Variants in CDH7 observed in about 807,000 individuals in gnomAD.
The protein encoded by CDH7 is cadherin-7.
In CDH7, 25 loss-of-function variants were observed where a neutral mutation model predicts 71.8. The ratio of observed to expected loss-of-function variants is 0.35; its 90% confidence interval spans 0.25 to 0.49. The LOEUF is 0.49. Among genes scored for constraint, CDH7 ranks in the 20% least tolerant of loss-of-function variants. The probability of loss-of-function intolerance (pLI) is 0.99; values close to 1 mark genes in which losing one functional copy is unlikely to be tolerated. For synonymous variants in CDH7, 381 were observed against 363.8 expected, an observed-to-expected ratio of 1.05 and a Z score of -0.54; for missense variants, 862 against 974.6, an observed-to-expected ratio of 0.88 and a Z score of 1.54.
At chr18:65,789,412 C>T (rs8092147) in intron 2 of CDH7, among the ~76,000 whole-genome samples, 5,311 of 152,054 alleles carry the variant, frequency 0.035, 309 homozygotes, top group African/African-American at 0.12. Context: ...AAATAAAAAC[C>T]AAGACAACCA....
chr18:65,764,036 C>T (rs1598986878), intron 2 of CDH7, among the ~76,000 whole-genome samples: 1 of 152,116 alleles, frequency 6.6e-6, no homozygotes, highest in South Asian at 2.1e-4. Flanking sequence ...ACACTTCACT[C>T]TGTCAGTTTT....
chr18:65,859,463 TCAA>T lies in CDH7; in HGVS notation c.1495-244_1495-242del, dbSNP rs1198522575. ...TTGTGATGTTTCCTGGGATGTCTAATCAATTGGAACAGCTTATTTCTGAAGTTC... is the reference window on the plus strand; with the variant it reads ...TTGTGATGTTTCCTGGGATGTCTAATTTGGAACAGCTTATTTCTGAAGTTC... On this transcript the variant is annotated intron_variant, in intron 9 of 11. Coordinates refer to ENST00000397968, the MANE Select transcript of CDH7 (RefSeq NM_004361.5). 6.6e-4 allele frequency among the ~76,000 whole-genome samples: 101 copies of T among 152,326 alleles called. 1 individual carries two copies. The East Asian group carries it at 0.019, about 29-fold the overall frequency.
chr18:65,801,835 A>G (rs1329543929), intron 2 of CDH7, among the ~76,000 whole-genome samples: 2 of 152,244 alleles, frequency 1.3e-5, no homozygotes, highest in South Asian at 2.1e-4. Flanking sequence ...TGCAGACTCT[A>G]AAATTTTATT....
At chr18:65,782,107 C>CTTCCTTCCTTCCTTCTTTCT (rs1910309338) in intron 2 of CDH7, among the ~76,000 whole-genome samples, 1 of 25,240 alleles carries the variant, frequency 4.0e-5, no homozygotes, top group African/African-American at 3.8e-4. Flanking sequence ...TCCTTCCTTC[C>CTTCCTTCCTTCCTTCTTTCT]TTCTTTCTTT....
chr18:65,819,735 G>C (rs1188395481), intron 4 of CDH7, among the ~76,000 whole-genome samples: 1 of 151,938 alleles, frequency 6.6e-6, no homozygotes, highest in African/African-American at 2.4e-5. Flanking sequence ...GCAATATTGA[G>C]ATTCCCCTTG....
intron 2 of CDH7, among the ~76,000 whole-genome samples, chr18:65,764,602 A>G (rs974086119): frequency 3.3e-5 from 5 of 152,040 alleles, no homozygotes; most frequent in African/African-American, 1.2e-4. Context: ...TTTTTAATGG[A>G]CATTTAACAA....
At chr18:65,821,654 A>G (rs1032632667) in intron 4 of CDH7, among the ~76,000 whole-genome samples, 5 of 152,190 alleles carry the variant, frequency 3.3e-5, no homozygotes, top group African/African-American at 1.2e-4. Flanking sequence ...TGCTACAGAT[A>G]GTAGGAATAT....
intron 4 of CDH7, among the ~76,000 whole-genome samples, chr18:65,815,707 G>A (rs1170321854): frequency 6.6e-6 from 1 of 152,156 alleles, no homozygotes; most frequent in African/African-American, 2.4e-5. Flanking sequence ...ATCTACAAAG[G>A]AAGAAGCAGT....
At chr18:65,787,945 A>G (rs1013657119) in intron 2 of CDH7, among the ~76,000 whole-genome samples, 4 of 152,200 alleles carry the variant, frequency 2.6e-5, no homozygotes, top group African/African-American at 9.7e-5. Context: ...GGAGAAGAGT[A>G]AATCCCATTT....
intron 2 of CDH7, among the ~76,000 whole-genome samples, chr18:65,790,322 A>C (rs1487516374): frequency 2.6e-5 from 4 of 152,030 alleles, no homozygotes; most frequent in Non-Finnish European, 5.9e-5. Flanking sequence ...GTATATGGGA[A>C]AAATAATTGA....
intron 1 of CDH7, among the ~76,000 whole-genome samples, chr18:65,752,818 A>G (rs1196977791): frequency 6.6e-6 from 1 of 152,234 alleles, no homozygotes; most frequent in African/African-American, 2.4e-5. Flanking sequence ...TCAGTAGCAC[A>G]GACCATCACC....
At chr18:65,853,186 T>G (rs989796) in intron 7 of CDH7, among the ~76,000 whole-genome samples, 1 of 152,200 alleles carries the variant, frequency 6.6e-6, no homozygotes, top group Non-Finnish European at 1.5e-5. Context: ...GAGAGATTGT[T>G]GTAAGTTCAC....
chr18:65,834,672 C>T (rs9789163), intron 6 of CDH7, among the ~76,000 whole-genome samples: 1 of 152,174 alleles, frequency 6.6e-6, no homozygotes, highest in South Asian at 2.1e-4. Flanking sequence ...ATCTATGATA[C>T]GTAGTAATGA....
chr18:65,818,777 C>G (rs909746356), intron 4 of CDH7, among the ~76,000 whole-genome samples: 9 of 152,140 alleles, frequency 5.9e-5, no homozygotes, highest in African/African-American at 7.2e-5. Flanking sequence ...AACATGATAT[C>G]CAATTAGTTC....
chr18:65,811,966 C>CTTTTCTT (rs762222699), intron 3 of CDH7, among the ~76,000 whole-genome samples: 5 of 95,884 alleles, frequency 5.2e-5, no homozygotes, highest in East Asian at 3.2e-4. Flanking sequence ...CTTTTCTTTT[C>CTTTTCTT]TTTTTTTTTT....
Position 65,809,860 on chromosome 18 carries a change from C to G in CDH7, c.367C>G (p.Gln123Glu). The change falls in exon 3 of 12, where the codon CAA (glutamine) becomes GAA (glutamate). Residue 123 changes from glutamine (Q) to glutamate (E), a missense_variant. Coordinates refer to ENST00000397968, the MANE Select transcript of CDH7 (RefSeq NM_004361.5). ...EEQAYYTLRA[Q>E]ALDRLTNKPV... ...GCAGGCCTACTACACGCTCCGAGCT[C>G]AAGCGCTGGATAGGCTCACCAACAA... 1.2e-6 allele frequency: 2 copies of G among 1,613,934 alleles called. No individual in the cohort carries two copies. Among genetic ancestry groups the G allele is most frequent in the South Asian group, 2.2e-5 (2 of 91,068 alleles).
Position 65,844,091 on chromosome 18 carries a change from T to A in CDH7, c.1235+26T>A. The A allele has an allele frequency of 1.2e-6, 2 of 1,604,040 alleles. 1 individual carries two copies. ...GTAAAAACTCATTGTTGTCCTTTTC[T>A]ATGGTTTTACAAACAATGCATTCTT... On this transcript the variant is annotated intron_variant, in intron 7 of 11. Coordinates refer to ENST00000397968, the MANE Select transcript of CDH7 (RefSeq NM_004361.5).
In CDH7 at chr18:65,879,683, G is replaced by C. The variant is rs530163650; in HGVS notation, c.1865-718G>C. On this transcript the variant is annotated intron_variant, in intron 11 of 11. Coordinates refer to ENST00000397968, the MANE Select transcript of CDH7 (RefSeq NM_004361.5). ...AGTGCAACCTCCTGCTTTAAGATGTGATTTTTAGTTTTGATATAGGAAGAT... is the reference window on the plus strand; with the variant it reads ...AGTGCAACCTCCTGCTTTAAGATGTCATTTTTAGTTTTGATATAGGAAGAT... Among the ~76,000 whole-genome samples the C allele has an allele frequency of 1.2e-4, 18 of 152,276 alleles. No individual in the cohort carries two copies. The East Asian group carries it at 3.3e-3, about 28-fold the overall frequency.
chr18:65,863,135 T>C, intron 11 of CDH7: 1 of 583,784 alleles, frequency 1.7e-6, no homozygotes. Flanking sequence ...CCTCCCAGGT[T>C]CAAGCAATTC....
Sources: gnomAD v4.1 joint callset for allele counts (sites outside exome capture counted in the v4.1 genomes callset) on GRCh38, gnomAD v4.1.1 for gene constraint, MANE v1.5 for transcripts, NCBI Gene and HGNC (gene_info 2026-07-23, HGNC 2026-07-21) for gene names.